MAGEA3: variants seen among roughly 807,000 people sequenced by gnomAD.
MAGEA3 encodes the protein melanoma-associated antigen 3.
For missense variants in MAGEA3, 207 were observed against 239.1 expected (o/e 0.87, Z 0.89); for synonymous variants, 110 against 102.2 (o/e 1.08, Z -0.46).
chrX:152,701,610 C>T lies in MAGEA3; in HGVS notation c.778C>T (p.Gln260Ter). The T allele has an allele frequency of 1.7e-6, 2 of 1,210,441 alleles. No individual in the cohort carries two copies. The highest frequency in any genetic ancestry group is 3.0e-5 in the East Asian group (1 of 33,813). Residue 260 changes from glutamine (Q) to a stop codon, truncating the protein, a stop_gained, in exon 3 of 3, where the codon CAG becomes TAG. Coordinates refer to ENST00000370278, the MANE Select transcript of MAGEA3 (RefSeq NM_005362.4). LOFTEE classifies it low-confidence loss of function (END_TRUNC). ...GCAGGAAAACTACCTGGAGTACCGG[C>T]AGGTCCCCGGCAGTGATCCTGCATG... ...FVQENYLEYR[Q>*]VPGSDPACYE...
At position 152,701,788 on chromosome X, in the gene MAGEA3, G is replaced by C; in HGVS notation, c.*11G>C. 8.3e-7 allele frequency: 1 copy of C among 1,200,531 alleles called. No homozygotes were observed. Among genetic ancestry groups the C allele is most frequent in the African/African-American group, 1.7e-5 (1 of 57,639 alleles). The stretch of plus-strand genomic sequence containing the variant: ...GAGGGGGAAGAGTGAGTCTGAGCAC[G>C]AGTTGCAGCCAGGGCCAGTGGGAGG... On this transcript the variant is annotated 3_prime_UTR_variant, in exon 3 of 3. Coordinates refer to ENST00000370278, the MANE Select transcript of MAGEA3 (RefSeq NM_005362.4).
chrX:152,701,093 C>T lies in MAGEA3; in HGVS notation c.261C>T (p.Ser87=), dbSNP rs1556826179. The part of the protein sequence containing the change: ...YPLWSQSYED[S]SNQEEEGPST... ...TCTGGAGCCAATCCTATGAGGACTC[C>T]AGCAACCAAGAAGAGGAGGGGCCAA... is the stretch of plus-strand genomic sequence containing the variant. Residue 87 remains serine, a synonymous_variant, in exon 3 of 3, where the codon TCC becomes TCT. Coordinates refer to ENST00000370278, the MANE Select transcript of MAGEA3 (RefSeq NM_005362.4). The T allele has an allele frequency of 3.0e-5, 36 of 1,203,506 alleles. No homozygotes were observed. Among genetic ancestry groups the T allele is most frequent in the Non-Finnish European group, 3.8e-5 (34 of 892,685 alleles).
rs1931705406 is a variant in MAGEA3 at position 152,700,578 on chromosome X, C to A, written c.-131-44C>A. The stretch of plus-strand genomic sequence containing the variant: ...TTCAGTCCTGCAGCCTCAGCATGCG[C>A]TGGCCGGATGTACCCTGAGGTGCCC... On this transcript the variant is annotated intron_variant, in intron 1 of 2. Coordinates refer to ENST00000370278, the MANE Select transcript of MAGEA3 (RefSeq NM_005362.4). The A allele has an allele frequency of 2.5e-5, 15 of 589,016 alleles. No individual in the cohort carries two copies. The South Asian group carries it at 3.1e-4, about 12-fold the overall frequency. 48.5% of individuals were successfully genotyped at this position (589,016 alleles called of 1,213,427 possible). A position where few individuals can be genotyped will look rare whatever the true frequency, so the allele number is the denominator to read the frequency against.
Position 152,701,245 on chromosome X carries a change from G to C in MAGEA3, c.413G>C (p.Ser138Thr). The C allele has an allele frequency of 8.3e-7, 1 of 1,209,724 alleles. No homozygotes were observed. Among genetic ancestry groups the C allele is most frequent in the East Asian group, 3.0e-5 (1 of 33,758 alleles). Residue 138 changes from serine (S) to threonine (T), a missense_variant, in exon 3 of 3, where the codon AGT becomes ACT. Coordinates refer to ENST00000370278, the MANE Select transcript of MAGEA3 (RefSeq NM_005362.4). ...EPVTKAEMLG[S>T]VVGNWQYFFP... is the part of the protein sequence containing the mutation. ...GTCACAAAGGCAGAAATGCTGGGGA[G>C]TGTCGTCGGAAATTGGCAGTATTTC... is the stretch of plus-strand genomic sequence containing the variant.
At chrX:152,700,226 G>A (rs1407292734) in intron 1 of MAGEA3, among the ~76,000 whole-genome samples, 1 of 108,835 alleles carries the variant, frequency 9.2e-6, no homozygotes, top group African/African-American at 3.6e-5. Flanking sequence ...TAAGGAGAAA[G>A]GTGAGGGCCC....
rs782640650 is a variant in MAGEA3 at position 152,701,677 on chromosome X, G to A, written c.845G>A (p.Ser282Asn). 1 of 1,210,348 alleles carries A rather than the reference G, an allele frequency of 8.3e-7. No individual in the cohort carries two copies. Among genetic ancestry groups the A allele is most frequent in the Non-Finnish European group, 1.1e-6 (1 of 894,548 alleles). The change falls in exon 3 of 3, where the codon AGC becomes AAC. Residue 282 changes from serine to asparagine, a missense_variant. Ser to Asn is a conservative substitution (Grantham distance 46). Coordinates refer to ENST00000370278, the MANE Select transcript of MAGEA3 (RefSeq NM_005362.4). ...LWGPRALVET[S>N]YVKVLHHMVK... ...GGTCCAAGGGCCCTCGTTGAAACCA[G>A]CTATGTGAAAGTCCTGCACCATATG...
rs1290943393 is a variant in MAGEA3 at position 152,701,755 on chromosome X, T to C, written c.923T>C (p.Val308Ala). The change falls in exon 3 of 3, where the codon GTT becomes GCT. Residue 308 changes from valine (V) to alanine (A), a missense_variant. Val to Ala is a moderately conservative substitution (Grantham distance 64, BLOSUM62 0). Transcript: ENST00000370278. ...TCCTACCCACCCCTGCATGAGTGGG[T>C]TTTGAGAGAGGGGGAAGAGTGAGTC... is the stretch of plus-strand genomic sequence containing the variant. ...HISYPPLHEW[V>A]LREGEE 6.8e-3 allele frequency: 8,209 copies of C among 1,206,209 alleles called. 45 individuals carry two copies. Among genetic ancestry groups the C allele is most frequent in the Non-Finnish European group, 7.9e-3 (7,067 of 893,219 alleles).
At position 152,702,084 on chromosome X, in the gene MAGEA3, T is replaced by C. The variant is rs1191080468; in HGVS notation, c.*307T>C. The C allele has an allele frequency of 2.5e-5, 8 of 323,238 alleles. No individual in the cohort carries two copies. Among genetic ancestry groups the C allele is most frequent in the Non-Finnish European group, 4.5e-5 (8 of 179,110 alleles). The allele number at this position is 323,238 out of a possible 1,213,427, so 26.6% of individuals were successfully genotyped here. A position where few individuals can be genotyped will look rare whatever the true frequency, so the allele number is the denominator to read the frequency against. ...TGTTTATATAGTTTAGGAGTAAGAG[T>C]CTTGTTTTTTACTCAAATTGGGAAA... On this transcript the variant is annotated 3_prime_UTR_variant, in exon 3 of 3. Coordinates refer to ENST00000370278, the MANE Select transcript of MAGEA3 (RefSeq NM_005362.4).
rs1259074679 is a variant in MAGEA3, at chrX:152,701,581, T to G, written c.749T>G (p.Phe250Cys). The G allele has an allele frequency of 1.4e-5, 17 of 1,210,408 alleles. No individual in the cohort carries two copies. Among genetic ancestry groups the G allele is most frequent in the Non-Finnish European group, 1.9e-5 (17 of 894,481 alleles). Reference protein sequence around the residue: ...GDPKKLLTQHFVQENYLEYRQ... With the variant: ...GDPKKLLTQHCVQENYLEYRQ... Reference sequence around the variant, plus strand: ...CCCAAGAAGCTGCTCACCCAACATTTCGTGCAGGAAAACTACCTGGAGTAC... The same window carrying G: ...CCCAAGAAGCTGCTCACCCAACATTGCGTGCAGGAAAACTACCTGGAGTAC... The change falls in exon 3 of 3, where the codon TTC (phenylalanine) becomes TGC (cysteine). Residue 250 changes from phenylalanine (F) to cysteine (C), a missense_variant. Transcript: ENST00000370278.
intron 1 of MAGEA3, 101 bp from the exon 2 acceptor site, chrX:152,700,521 A>T (rs1602851517): frequency 2.3e-6 from 1 of 441,975 alleles, no homozygotes. Context: ...GAACACATGG[A>T]CTCCAGAGCG....
chrX:152,701,304 T>C lies in MAGEA3; in HGVS notation c.472T>C (p.Leu158=). The C allele has an allele frequency of 8.3e-7, 1 of 1,209,840 alleles. No homozygotes were observed. Among genetic ancestry groups the C allele is most frequent in the Non-Finnish European group, 1.1e-6 (1 of 893,985 alleles). ...GATCTTCAGCAAAGCTTCCAGTTCC[T>C]TGCAGCTGGTCTTTGGCATCGAGCT... ...PVIFSKASSS[L]QLVFGIELME... is the part of the protein sequence containing the mutation. The change falls in exon 3 of 3, where the codon TTG becomes CTG. Residue 158 remains leucine, a synonymous_variant. Transcript: ENST00000370278.
At position 152,701,174 on chromosome X, in the gene MAGEA3, C is replaced by T. The variant is rs1556826244; in HGVS notation, c.342C>T (p.Ala114=). The change falls in exon 3 of 3, where the codon GCC becomes GCT. Residue 114 remains alanine, a synonymous_variant. Coordinates refer to ENST00000370278, the MANE Select transcript of MAGEA3 (RefSeq NM_005362.4). The part of the protein sequence containing the change: ...EFQAALSRKV[A]ELVHFLLLKY... Reference sequence around the variant, plus strand: ...AAGCAGCACTCAGTAGGAAGGTGGCCGAGTTGGTTCATTTTCTGCTCCTCA... The same window carrying T: ...AAGCAGCACTCAGTAGGAAGGTGGCTGAGTTGGTTCATTTTCTGCTCCTCA... 9.1e-6 allele frequency: 11 copies of T among 1,209,361 alleles called. No individual in the cohort carries two copies. Among genetic ancestry groups the T allele is most frequent in the East Asian group, 8.9e-5 (3 of 33,758 alleles).
At position 152,702,000 on chromosome X, in the gene MAGEA3, G is replaced by A. The variant is rs1285861371; in HGVS notation, c.*223G>A. ...GAGTTGTTCAAATGTTCCTTTTAAC[G>A]GATGGTTGAATGAGCGTCAGCATCC... On this transcript the variant is annotated 3_prime_UTR_variant, in exon 3 of 3. Transcript: ENST00000370278. 2.3e-6 allele frequency: 1 copy of A among 435,078 alleles called. No individual in the cohort carries two copies. The highest frequency in any genetic ancestry group is 3.9e-5 in the East Asian group (1 of 25,764). 35.9% of individuals were successfully genotyped at this position (435,078 alleles called of 1,213,427 possible).
In MAGEA3 at chrX:152,701,145, T is replaced by C. The variant is rs201252059; in HGVS notation, c.313T>C (p.Phe105Leu). 2.5e-6 allele frequency: 3 copies of C among 1,208,357 alleles called. No homozygotes were observed. Among genetic ancestry groups the C allele is most frequent in the Non-Finnish European group, 3.4e-6 (3 of 893,623 alleles). ...PSTFPDLESE[F>L]QAALSRKVAE... ...CACCTTCCCTGACCTGGAGTCCGAG[T>C]TCCAAGCAGCACTCAGTAGGAAGGT... Residue 105 changes from phenylalanine to leucine, a missense_variant, in exon 3 of 3, where the codon TTC becomes CTC. Phe to Leu is a conservative substitution (Grantham distance 22). Transcript: ENST00000370278.
At position 152,701,638 on chromosome X, in the gene MAGEA3, A is replaced by G. The variant is rs782068507; in HGVS notation, c.806A>G (p.Tyr269Cys). Reference sequence around the variant, plus strand: ...GTCCCCGGCAGTGATCCTGCATGTTATGAATTCCTGTGGGGTCCAAGGGCC... The same window carrying G: ...GTCCCCGGCAGTGATCCTGCATGTTGTGAATTCCTGTGGGGTCCAAGGGCC... ...RQVPGSDPACYEFLWGPRALV... is the reference protein window; with the variant it reads ...RQVPGSDPACCEFLWGPRALV... Residue 269 changes from tyrosine to cysteine, a missense_variant, in exon 3 of 3, where the codon TAT (tyrosine) becomes TGT (cysteine). Tyr to Cys is a radical substitution (Grantham distance 194, BLOSUM62 -2). Coordinates refer to ENST00000370278, the MANE Select transcript of MAGEA3 (RefSeq NM_005362.4). 8.3e-7 allele frequency: 1 copy of G among 1,210,395 alleles called. No individual in the cohort carries two copies.
At position 152,701,461 on chromosome X, in the gene MAGEA3, C is replaced by G; in HGVS notation, c.629C>G (p.Ala210Gly). 8.3e-7 allele frequency: 1 copy of G among 1,210,160 alleles called. No homozygotes were observed. Among genetic ancestry groups the G allele is most frequent in the African/African-American group, 1.7e-5 (1 of 57,741 alleles). ...CTGATAATCGTCCTGGCCATAATCG[C>G]AAGAGAGGGCGACTGTGCCCCTGAG... ...GLLIIVLAII[A>G]REGDCAPEEK... Residue 210 changes from alanine (A) to glycine (G), a missense_variant, in exon 3 of 3, where the codon GCA (alanine) becomes GGA (glycine). Coordinates refer to ENST00000370278, the MANE Select transcript of MAGEA3 (RefSeq NM_005362.4).
intron 1 of MAGEA3, among the ~76,000 whole-genome samples, chrX:152,700,323 G>A (rs1192865286): frequency 7.6e-5 from 8 of 105,267 alleles, no homozygotes; most frequent in East Asian, 2.8e-4. Flanking sequence ...CTGGGAATCC[G>A]TGGCTGCGTT....
At position 152,701,727 on chromosome X, in the gene MAGEA3, A is replaced by G. The variant is rs1556827180; in HGVS notation, c.895A>G (p.Ile299Val). 315 of 1,208,455 alleles carry G rather than the reference A, an allele frequency of 2.6e-4. No homozygotes were observed. Among genetic ancestry groups the G allele is most frequent in the Non-Finnish European group, 3.4e-4 (301 of 894,192 alleles). The change falls in exon 3 of 3, where the codon ATT becomes GTT. Residue 299 changes from isoleucine (I) to valine (V), a missense_variant. By Grantham distance (29) the Ile-to-Val change is conservative (BLOSUM62 3). Transcript: ENST00000370278. ...GGTAAAGATCAGTGGAGGACCTCACATTTCCTACCCACCCCTGCATGAGTG... is the reference window on the plus strand; with the variant it reads ...GGTAAAGATCAGTGGAGGACCTCACGTTTCCTACCCACCCCTGCATGAGTG... ...HMVKISGGPHISYPPLHEWVL... is the reference protein window; with the variant it reads ...HMVKISGGPHVSYPPLHEWVL...
rs1556827066 is a variant in MAGEA3 at position 152,701,654 on chromosome X, T to G, written c.822T>G (p.Gly274=). ...SDPACYEFLW[G]PRALVETSYV... is the part of the protein sequence containing the mutation. Reference sequence around the variant, plus strand: ...CTGCATGTTATGAATTCCTGTGGGGTCCAAGGGCCCTCGTTGAAACCAGCT... The same window carrying G: ...CTGCATGTTATGAATTCCTGTGGGGGCCAAGGGCCCTCGTTGAAACCAGCT... The change falls in exon 3 of 3, where the codon GGT becomes GGG. Residue 274 remains glycine, a synonymous_variant. Coordinates refer to ENST00000370278, the MANE Select transcript of MAGEA3 (RefSeq NM_005362.4). The G allele has an allele frequency of 8.3e-7, 1 of 1,208,470 alleles. No homozygotes were observed. Among genetic ancestry groups the G allele is most frequent in the African/African-American group, 1.8e-5 (1 of 57,096 alleles).
Sources: allele counts gnomAD v4.1 joint callset (sites outside exome capture counted in the v4.1 genomes callset), GRCh38; gene constraint gnomAD v4.1.1; transcripts MANE v1.5; gene names NCBI Gene and HGNC (gene_info 2026-07-23, HGNC 2026-07-21).